Variants in FREM1 observed in about 807,000 individuals in gnomAD.
The protein encoded by FREM1 is FRAS1-related extracellular matrix protein 1.
FREM1 carries 220 observed loss-of-function variants against 210.1 expected under a neutral mutation model. The ratio of observed to expected loss-of-function variants is 1.05; its 90% CI spans 0.94 to 1.17. FREM1 has a LOEUF of 1.17. Ranked by LOEUF, FREM1 falls within the 50% of genes most tolerant of loss-of-function variation. The pLI, the probability that FREM1 is intolerant of heterozygous loss-of-function variation, is 0.00. For synonymous variants in FREM1, 1,189 were observed against 980.2 expected (o/e 1.21, Z -3.98); for missense variants, 3,454 against 2,675.5 (o/e 1.29, Z -6.42).
intron 1 of FREM1, among the ~76,000 whole-genome samples, chr9:14,908,069 GAAAGA>G (rs1228592555): frequency 7.2e-5 from 11 of 152,112 alleles, no homozygotes; most frequent in Admixed American, 2.6e-4. Flanking sequence ...TTGGAATGAG[GAAAGA>G]AAAGAAAGCA....
chr9:14,860,330 C>T (rs1442622791), intron 3 of FREM1, among the ~76,000 whole-genome samples: 1 of 151,784 alleles, frequency 6.6e-6, no homozygotes, highest in Non-Finnish European at 1.5e-5. Context: ...TTTCTGCTGC[C>T]TACTCCCCTG....
rs1848483278 is a variant in FREM1, at chr9:14,775,949, T to C, written c.4697A>G (p.Asn1566Ser). The change falls in exon 25 of 37, where the codon AAT becomes AGT. Residue 1566 changes from asparagine to serine, a missense_variant. By Grantham distance (46) the Asn-to-Ser change is conservative (BLOSUM62 1). Coordinates refer to ENST00000380880, the MANE Select transcript of FREM1 (RefSeq NM_001379081.2). ...YLWGTGLLQHNFTQQDVDSKN... is the reference protein window; with the variant it reads ...YLWGTGLLQHSFTQQDVDSKN... Reference sequence around the variant, plus strand: ...GCTGTCCACATCCTGCTGGGTGAAATTGTGTTGAAGTAGCCCTGTCCCCCA... The same window carrying C: ...GCTGTCCACATCCTGCTGGGTGAAACTGTGTTGAAGTAGCCCTGTCCCCCA... 2 of 1,613,778 alleles carry C rather than the reference T, an allele frequency of 1.2e-6. No individual in the cohort carries two copies. The highest frequency in any genetic ancestry group is 8.5e-7 in the Non-Finnish European group (1 of 1,179,870).
At chr9:14,848,891 T>C (rs1827164993) in intron 6 of FREM1, 118 bp from the exon 7 acceptor site, 4 of 545,500 alleles carry the variant, frequency 7.3e-6, no homozygotes, top group Non-Finnish European at 1.3e-5. Context: ...TTCACATTTC[T>C]GCAGTTCCCA....
Position 14,801,681 on chromosome 9 carries a change from T to G in FREM1, c.3665A>C (p.His1222Pro). 6.2e-7 allele frequency: 1 copy of G among 1,613,740 alleles called. No individual in the cohort carries two copies. The highest frequency in any genetic ancestry group is 8.5e-7 in the Non-Finnish European group (1 of 1,179,638). Residue 1222 changes from histidine to proline, a missense_variant, in exon 20 of 37, where the codon CAC (histidine) becomes CCC (proline). Transcript: ENST00000380880. ...ANPHQKHAPV[H>P]SFSMELLKTG... The stretch of plus-strand genomic sequence containing the variant: ...CTTGAGGAGTTCCATGGAAAAGCTG[T>G]GAACAGGTGCATGTTTCTGGTGAGG...
At chr9:14,763,444 G>A (rs981847815) in intron 27 of FREM1, among the ~76,000 whole-genome samples, 2 of 152,112 alleles carry the variant, frequency 1.3e-5, no homozygotes, top group African/African-American at 2.4e-5. Flanking sequence ...GCAGTGAGCC[G>A]AGATCATGCC....
chr9:14,892,290 A>ACC (rs1836958781), intron 1 of FREM1, among the ~76,000 whole-genome samples: 1 of 152,162 alleles, frequency 6.6e-6, no homozygotes, highest in Non-Finnish European at 1.5e-5. Context: ...ACCCAAAGGA[A>ACC]AATCATTTGC....
In FREM1 at chr9:14,740,209, A is replaced by C; in HGVS notation, c.6280T>G (p.Phe2094Val). Residue 2094 changes from phenylalanine (F) to valine (V), a missense_variant, in exon 36 of 37, where the codon TTC becomes GTC. By Grantham distance (50) the Phe-to-Val change is conservative. Coordinates refer to ENST00000380880, the MANE Select transcript of FREM1 (RefSeq NM_001379081.2). ...EQYLGNLVTV[F>V]SRQHMRWLWD... ...AGCCACCGCATGTGCTGCCTGGAGA[A>C]TACAGTTACAAGGTTGCCCAGGTAT... 1 of 1,613,256 alleles carries C rather than the reference A, an allele frequency of 6.2e-7. No individual in the cohort carries two copies. The highest frequency in any genetic ancestry group is 1.1e-5 in the South Asian group (1 of 90,976).
intron 1 of FREM1, among the ~76,000 whole-genome samples, chr9:14,876,062 G>A (rs1300396435): frequency 6.6e-6 from 1 of 151,864 alleles, no homozygotes; most frequent in African/African-American, 2.4e-5. Context: ...GTACCCGGCC[G>A]TGTGAGGTGT....
In FREM1 at chr9:14,869,119, T is replaced by C; in HGVS notation, c.-142A>G. Reference sequence around the variant, plus strand: ...GACAATGTGCCCCGAGATCTTAACATGCCCCTTTCATTTCAAAGTCAGACA... The same window carrying C: ...GACAATGTGCCCCGAGATCTTAACACGCCCCTTTCATTTCAAAGTCAGACA... On this transcript the variant is annotated 5_prime_UTR_variant, in exon 2 of 37. It removes an upstream start codon present in the reference 5' UTR. Coordinates refer to ENST00000380880, the MANE Select transcript of FREM1 (RefSeq NM_001379081.2). 1 of 568,120 alleles carries C rather than the reference T, an allele frequency of 1.8e-6. No homozygotes were observed. The highest frequency in any genetic ancestry group is 3.1e-6 in the Non-Finnish European group (1 of 324,694). The allele number at this position is 568,120 out of a possible 1,614,324, so 35.2% of individuals were successfully genotyped here.
intron 10 of FREM1, among the ~76,000 whole-genome samples, chr9:14,831,648 A>G (rs962645754): frequency 6.6e-6 from 1 of 152,240 alleles, no homozygotes; most frequent in Non-Finnish European, 1.5e-5. Context: ...CCTGGGCTAT[A>G]ATAGCAGGAT....
At chr9:14,849,768 G>C (rs1332165380) in intron 6 of FREM1, among the ~76,000 whole-genome samples, 3 of 152,088 alleles carry the variant, frequency 2.0e-5, no homozygotes, top group Non-Finnish European at 4.4e-5. Flanking sequence ...AAAATTGAGA[G>C]TTACTGTCTA....
At chr9:14,833,944 TG>T (rs1009777161) in intron 10 of FREM1, among the ~76,000 whole-genome samples, 2 of 152,070 alleles carry the variant, frequency 1.3e-5, no homozygotes, top group Non-Finnish European at 2.9e-5. Flanking sequence ...GTGGGGCAGT[TG>T]GGGGGGATCC....
Position 14,792,912 on chromosome 9 carries a change from T to C in FREM1, c.3840-28A>G, listed in dbSNP as rs374358336. On this transcript the variant is annotated intron_variant, in intron 21 of 36. Transcript: ENST00000380880. ...GTAAAAAGAAAAATGTCTGGGTTGA[T>C]ATAAAAATAGAAGATATTCCTTTAG... 2.8e-4 allele frequency: 413 copies of C among 1,497,912 alleles called. 8 individuals carry two copies. The South Asian group carries it at 4.7e-3, about 17-fold the overall frequency. The allele number at this position is 1,497,912 out of a possible 1,614,324, so 92.8% of individuals were successfully genotyped here.
chr9:14,799,237 G>C (rs1853056948), intron 20 of FREM1, among the ~76,000 whole-genome samples: 1 of 151,540 alleles, frequency 6.6e-6, no homozygotes, highest in South Asian at 2.1e-4. Flanking sequence ...AGTGAACTGT[G>C]ATTGCACAAC....
At chr9:14,909,826 A>G (rs1818429079) in intron 1 of FREM1, 88 bp downstream of exon 1, 1 of 152,244 alleles carries the variant, frequency 6.6e-6, no homozygotes, top group Non-Finnish European at 1.5e-5. Context: ...CTTGGCATTA[A>G]TGATATCACA....
chr9:14,757,024 G>T (rs577206033), intron 28 of FREM1, among the ~76,000 whole-genome samples: 1 of 152,062 alleles, frequency 6.6e-6, no homozygotes, highest in Non-Finnish European at 1.5e-5. Context: ...TTGTGGAACC[G>T]GAAGACCTGG....
chr9:14,795,587 G>C (rs773096722), intron 21 of FREM1, among the ~76,000 whole-genome samples: 2 of 152,098 alleles, frequency 1.3e-5, no homozygotes, highest in African/African-American at 2.4e-5. Flanking sequence ...GAAAAGGGAG[G>C]GTTTTTGAAG....
At chr9:14,801,961 T>A in intron 19 of FREM1, 87 bp from the exon 20 acceptor site, 1 of 920,384 alleles carries the variant, frequency 1.1e-6, no homozygotes. Flanking sequence ...ATCACTTGAA[T>A]ATATCCTACT....
At chr9:14,809,364 T>G (rs774083735) in intron 16 of FREM1, among the ~76,000 whole-genome samples, 2 of 152,188 alleles carry the variant, frequency 1.3e-5, no homozygotes, top group Non-Finnish European at 2.9e-5. Flanking sequence ...TGCTTGGAGT[T>G]TTGATGAACC....
Sources: gnomAD v4.1 joint callset for allele counts (sites outside exome capture counted in the v4.1 genomes callset) on GRCh38, gnomAD v4.1.1 for gene constraint, MANE v1.5 for transcripts, NCBI Gene and HGNC (gene_info 2026-07-23, HGNC 2026-07-21) for gene names.